The following NAALADL2 variants were observed in gnomAD, a reference collection of about 807,000 sequenced individuals.
The protein encoded by NAALADL2 is N-acetylated alpha-linked acidic dipeptidase like 2, also known as inactive N-acetylated-alpha-linked acidic dipeptidase-like protein 2.
NAALADL2 carries 76 observed loss-of-function variants against 87.2 expected under a neutral mutation model. The ratio of observed to expected loss-of-function variants is 0.87; its 90% CI spans 0.72 to 1.05. NAALADL2 has a LOEUF of 1.05. Among genes scored for constraint, NAALADL2 ranks in the 50% least tolerant of loss-of-function variants. NAALADL2 has a pLI of 0.00. For synonymous variants in NAALADL2, 354 were observed against 331.0 expected, an observed-to-expected ratio of 1.07 and a Z score of -0.75; for missense variants, 1,089 against 945.8, an observed-to-expected ratio of 1.15 and a Z score of -1.99.
chr3:174,835,381 A>G (rs1297611983), intron 3 of NAALADL2, among the ~76,000 whole-genome samples: 1 of 152,140 alleles, frequency 6.6e-6, no homozygotes, highest in Non-Finnish European at 1.5e-5. Flanking sequence ...CTTAAATATA[A>G]TCACCTAAAA....
chr3:174,556,859 G>T (rs139245633), intron 2 of NAALADL2, among the ~76,000 whole-genome samples: 1 of 152,068 alleles, frequency 6.6e-6, no homozygotes, highest in East Asian at 1.9e-4. Flanking sequence ...TCCCACCTCA[G>T]CCTTCTGTGT....
chr3:175,380,206 A>T (rs1253527109), intron 5 of NAALADL2, among the ~76,000 whole-genome samples: 4 of 152,076 alleles, frequency 2.6e-5, no homozygotes, highest in African/African-American at 4.8e-5. Context: ...TAATAATAAT[A>T]ATTAAAAAAA....
intron 4 of NAALADL2, among the ~76,000 whole-genome samples, chr3:175,287,994 T>C (rs1755186806): frequency 6.6e-6 from 1 of 152,200 alleles, no homozygotes; most frequent in African/African-American, 2.4e-5. Flanking sequence ...CATTGCATGT[T>C]TATATGATCA....
rs139809240 is a variant in NAALADL2 at position 174,605,531 on chromosome 3, G to A, written c.-115+54894G>A. Reference sequence around the variant, plus strand: ...GGAGATTATATCCTGCACCTGGCTCGGAGGGTCCTACGCCCACGGAGTCTC... The same window carrying A: ...GGAGATTATATCCTGCACCTGGCTCAGAGGGTCCTACGCCCACGGAGTCTC... On this transcript the variant is annotated intron_variant, in intron 2 of 3. Transcript: ENST00000434257. Among the ~76,000 whole-genome samples the A allele has an allele frequency of 6.2e-3, 911 of 146,206 alleles. 7 individuals carry two copies. The highest frequency in any genetic ancestry group is 0.021 in the African/African-American group (843 of 39,402).
chr3:175,305,811 C>T (rs900595197), intron 4 of NAALADL2, among the ~76,000 whole-genome samples: 67 of 152,164 alleles, frequency 4.4e-4, no homozygotes, highest in African/African-American at 1.5e-3. Context: ...CGTGAGCCAC[C>T]GCACCTGGCG....
chr3:175,353,458 G>C (rs932468521), intron 5 of NAALADL2, among the ~76,000 whole-genome samples: 1 of 151,848 alleles, frequency 6.6e-6, no homozygotes, highest in Non-Finnish European at 1.5e-5. Flanking sequence ...AAGATAAAAG[G>C]GCATAGTTTC....
chr3:174,878,908 C>T (rs1008726377), intron 1 of NAALADL2, among the ~76,000 whole-genome samples: 4 of 151,930 alleles, frequency 2.6e-5, no homozygotes, highest in Non-Finnish European at 4.4e-5. Context: ...CCCAATATGC[C>T]GACGCCATGC....
intron 1 of NAALADL2, among the ~76,000 whole-genome samples, chr3:175,000,361 G>T (rs1399197956): frequency 1.3e-5 from 2 of 152,158 alleles, no homozygotes; most frequent in Non-Finnish European, 2.9e-5. Context: ...TAGAGCAGGG[G>T]TTGGCAAACT....
intron 4 of NAALADL2, 104 bp from the exon 5 acceptor site, chr3:175,324,071 A>AT (rs1279876392): frequency 7.2e-6 from 6 of 835,846 alleles, no homozygotes; most frequent in Non-Finnish European, 1.1e-5. Flanking sequence ...AGAAAAAAAA[A>AT]CTGGAAAAAG....
At chr3:174,917,635 T>A (rs969605329) in intron 1 of NAALADL2, among the ~76,000 whole-genome samples, 2 of 152,122 alleles carry the variant, frequency 1.3e-5, no homozygotes, top group African/African-American at 4.8e-5. Context: ...ACCTGGAAAG[T>A]CTTTTCTAGG....
chr3:175,093,192 C>A (rs1720464977), intron 1 of NAALADL2, among the ~76,000 whole-genome samples: 2 of 151,438 alleles, frequency 1.3e-5, no homozygotes, highest in Admixed American at 6.6e-5. Context: ...GCTGATTTTG[C>A]TGAATATTTG....
At chr3:174,896,017 A>G (rs1404641044) in intron 1 of NAALADL2, among the ~76,000 whole-genome samples, 5 of 152,152 alleles carry the variant, frequency 3.3e-5, no homozygotes, top group Non-Finnish European at 5.9e-5. Context: ...AAATCTTAAA[A>G]AACTGGGTAT....
chr3:174,916,778 T>G (rs986128457), intron 1 of NAALADL2, among the ~76,000 whole-genome samples: 3 of 152,072 alleles, frequency 2.0e-5, no homozygotes, highest in Non-Finnish European at 4.4e-5. Context: ...ACTGCTCAAG[T>G]GATGGGTGTA....
chr3:174,669,826 G>A (rs562379814), intron 2 of NAALADL2, among the ~76,000 whole-genome samples: 3 of 151,978 alleles, frequency 2.0e-5, no homozygotes, highest in South Asian at 2.1e-4. Context: ...GGTAGCTTTC[G>A]ATAGTATGAA....
intron 1 of NAALADL2, among the ~76,000 whole-genome samples, chr3:175,007,952 A>C (rs185586394): frequency 1.5e-4 from 23 of 152,278 alleles, no homozygotes; most frequent in African/African-American, 5.1e-4. Flanking sequence ...AGGGCTTCTA[A>C]GTAACTAGCG....
At chr3:175,687,016 G>A (rs775407180) in intron 11 of NAALADL2, among the ~76,000 whole-genome samples, 7 of 152,034 alleles carry the variant, frequency 4.6e-5, no homozygotes, top group Admixed American at 1.3e-4. Context: ...GCTTGTTTGA[G>A]GTACAAAGTT....
chr3:174,967,221 A>G (rs1743001063), intron 1 of NAALADL2, among the ~76,000 whole-genome samples: 1 of 152,076 alleles, frequency 6.6e-6, no homozygotes, highest in Non-Finnish European at 1.5e-5. Flanking sequence ...ATCTACTGAG[A>G]TAGAGTTATT....
At chr3:175,594,688 A>C (rs573637721) in intron 10 of NAALADL2, among the ~76,000 whole-genome samples, 1 of 152,178 alleles carries the variant, frequency 6.6e-6, no homozygotes, top group South Asian at 2.1e-4. Flanking sequence ...CTTTTTAATT[A>C]TAGCCATACT....
chr3:174,741,806 A>G (rs1286193372), intron 3 of NAALADL2, among the ~76,000 whole-genome samples: 1 of 151,742 alleles, frequency 6.6e-6, no homozygotes, highest in East Asian at 1.9e-4. Context: ...TTTGACAGCA[A>G]TTCATTTAGT....
Sources: gnomAD v4.1 joint callset for allele counts (sites outside exome capture counted in the v4.1 genomes callset) on GRCh38, gnomAD v4.1.1 for gene constraint, MANE v1.5 for transcripts, NCBI Gene and HGNC (gene_info 2026-07-23, HGNC 2026-07-21) for gene names.